Variants in PTPRD observed in about 807,000 individuals in gnomAD.
The protein encoded by PTPRD is protein tyrosine phosphatase receptor type D, also known as receptor-type tyrosine-protein phosphatase delta.
Under a neutral mutation model 214.5 loss-of-function variants are expected in PTPRD, and 34 were observed. The ratio of observed to expected loss-of-function variants is 0.16; its 90% CI spans 0.12 to 0.21. The LOEUF is 0.21. Among genes scored for constraint, PTPRD ranks in the 10% least tolerant of loss-of-function variants. PTPRD has a pLI of 1.00. For missense variants in PTPRD, 2,545 were observed against 2,398.7 expected, an observed-to-expected ratio of 1.06 and a Z score of -1.27; for synonymous variants, 1,128 against 845.7, an observed-to-expected ratio of 1.33 and a Z score of -5.79.
intron 11 of PTPRD, among the ~76,000 whole-genome samples, chr9:8,985,959 T>C (rs2099342569): frequency 6.6e-6 from 1 of 152,142 alleles, no homozygotes. Context: ...TCATTTCCAT[T>C]ATTTCTTTCA....
chr9:10,185,974 T>G (rs2099328474), intron 3 of PTPRD, among the ~76,000 whole-genome samples: 1 of 152,296 alleles, frequency 6.6e-6, no homozygotes, highest in Non-Finnish European at 1.5e-5. Flanking sequence ...TGTCAACATT[T>G]GAACATTATT....
chr9:9,567,235 G>A (rs78713900), intron 8 of PTPRD, among the ~76,000 whole-genome samples: 3,029 of 151,918 alleles, frequency 0.02, 39 homozygotes, highest in South Asian at 0.034. Flanking sequence ...AAGGAAAAAT[G>A]CAGAGATGAT....
At chr9:9,416,742 T>C (rs1569568128) in intron 8 of PTPRD, among the ~76,000 whole-genome samples, 1 of 152,182 alleles carries the variant, frequency 6.6e-6, no homozygotes, top group Non-Finnish European at 1.5e-5. Flanking sequence ...ACCCATTTGA[T>C]AGGCAGGAAT....
intron 35 of PTPRD, among the ~76,000 whole-genome samples, chr9:8,413,002 TACA>T (rs1371251772): frequency 6.6e-6 from 1 of 152,198 alleles, no homozygotes; most frequent in African/African-American, 2.4e-5. Flanking sequence ...CGACTGATAT[TACA>T]ACATCATTTA....
At chr9:9,285,942 A>G (rs1949213811) in intron 9 of PTPRD, among the ~76,000 whole-genome samples, 1 of 151,772 alleles carries the variant, frequency 6.6e-6, no homozygotes, top group African/African-American at 2.4e-5. Flanking sequence ...TACATTTTAA[A>G]TTTCCTGGTC....
At chr9:8,709,548 AAGAAAAATGCTAAC>A (rs2098283865) in intron 12 of PTPRD, among the ~76,000 whole-genome samples, 1 of 151,514 alleles carries the variant, frequency 6.6e-6, no homozygotes, top group African/African-American at 2.4e-5. Flanking sequence ...GAAAAAGAAA[AAGAAAAATGCTAAC>A]AGAATGGATG....
intron 3 of PTPRD, among the ~76,000 whole-genome samples, chr9:10,311,490 C>G (rs2096265949): frequency 6.6e-6 from 1 of 151,976 alleles, no homozygotes; most frequent in Non-Finnish European, 1.5e-5. Context: ...CTCTCATCTA[C>G]AAAATCAAGA....
chr9:9,101,856 G>T (rs2154441875), intron 10 of PTPRD, among the ~76,000 whole-genome samples: 1 of 152,212 alleles, frequency 6.6e-6, no homozygotes, highest in Non-Finnish European at 1.5e-5. Flanking sequence ...AATTATTCCA[G>T]AATTCTAGGA....
At chr9:8,319,808 A>C in intron 45 of PTPRD, 23 bp downstream of exon 45, 1 of 1,611,272 alleles carries the variant, frequency 6.2e-7, no homozygotes, top group Non-Finnish European at 8.5e-7. Context: ...TTGAGATGCG[A>C]AAAATGCAAT....
chr9:8,896,928 A>G (rs2098619706), intron 11 of PTPRD, among the ~76,000 whole-genome samples: 1 of 152,212 alleles, frequency 6.6e-6, no homozygotes, highest in Non-Finnish European at 1.5e-5. Context: ...ATCAAGAAAG[A>G]GAACTGTAGA....
intron 12 of PTPRD, among the ~76,000 whole-genome samples, chr9:8,693,684 G>A (rs1048546585): frequency 6.6e-6 from 1 of 152,192 alleles, no homozygotes; most frequent in Admixed American, 6.5e-5. Context: ...ATCAAGGTAA[G>A]TGAGCTGTTT....
At chr9:9,551,723 G>T (rs531084114) in intron 8 of PTPRD, among the ~76,000 whole-genome samples, 1 of 152,004 alleles carries the variant, frequency 6.6e-6, no homozygotes, top group South Asian at 2.1e-4. Flanking sequence ...CATATAGCCT[G>T]GGATAAAAAG....
At chr9:9,237,114 C>G (rs916410504) in intron 9 of PTPRD, among the ~76,000 whole-genome samples, 3 of 152,110 alleles carry the variant, frequency 2.0e-5, no homozygotes, top group Non-Finnish European at 1.5e-5. Context: ...CAAACACTAA[C>G]AATTCTAAAT....
At chr9:10,478,024 T>C (rs1225757052) in intron 2 of PTPRD, among the ~76,000 whole-genome samples, 1 of 151,070 alleles carries the variant, frequency 6.6e-6, no homozygotes, top group East Asian at 2.0e-4. Context: ...AAATACCTAA[T>C]GCATGTGGGG....
In PTPRD at chr9:8,376,587, G is replaced by A; in HGVS notation, c.4506+20C>T. 1 of 1,612,224 alleles carries A rather than the reference G, an allele frequency of 6.2e-7. No homozygotes were observed. The highest frequency in any genetic ancestry group is 8.5e-7 in the Non-Finnish European group (1 of 1,178,840). On this transcript the variant is annotated intron_variant, in intron 38 of 45. Transcript: ENST00000381196. ...AACAATAGAGAAGGGAAAGGGAGGA[G>A]AAAAAGATGAAAAGCAAACCTTGTA...
intron 14 of PTPRD, among the ~76,000 whole-genome samples, chr9:8,566,134 G>GTGTA (rs2089041369): frequency 7.0e-6 from 1 of 142,786 alleles, no homozygotes; most frequent in South Asian, 2.3e-4. Context: ...GTGTGTGTGT[G>GTGTA]TGTGTGTATA....
At chr9:10,501,737 T>C (rs2043784746) in intron 2 of PTPRD, among the ~76,000 whole-genome samples, 1 of 152,054 alleles carries the variant, frequency 6.6e-6, no homozygotes, top group Admixed American at 6.6e-5. Context: ...GATATATTAA[T>C]AGAGTGGGAC....
intron 3 of PTPRD, among the ~76,000 whole-genome samples, chr9:10,112,405 A>G (rs1008808982): frequency 6.6e-6 from 1 of 152,138 alleles, no homozygotes; most frequent in African/African-American, 2.4e-5. Flanking sequence ...TTGTTCAATG[A>G]TGTATCTTCC....
intron 5 of PTPRD, among the ~76,000 whole-genome samples, chr9:9,918,349 G>A (rs2081523560): frequency 1.0e-4 from 3 of 29,974 alleles, no homozygotes; most frequent in Non-Finnish European, 1.8e-4. Flanking sequence ...TAACCAAAGA[G>A]GTAAAAAAAA....
Sources: allele counts gnomAD v4.1 joint callset (sites outside exome capture counted in the v4.1 genomes callset), GRCh38; gene constraint gnomAD v4.1.1; transcripts MANE v1.5; gene names NCBI Gene and HGNC (gene_info 2026-07-23, HGNC 2026-07-21).